The following SORCS2 variants were observed in gnomAD, a reference collection of about 807,000 sequenced individuals.
SORCS2 encodes the protein sortilin related VPS10 domain containing receptor 2, also known as VPS10 domain-containing receptor SorCS2.
Under a neutral mutation model 141.6 loss-of-function variants are expected in SORCS2, and 100 were observed. The observed-to-expected ratio is 0.71, with a 90% CI of 0.60 to 0.83. The LOEUF (loss-of-function observed/expected upper bound fraction) is 0.83. Among genes scored for constraint, SORCS2 ranks in the 40% least tolerant of loss-of-function variants. The pLI is 0.00. For missense variants in SORCS2, 1,646 were observed against 1,560.2 expected, an observed-to-expected ratio of 1.05 and a Z score of -0.93; for synonymous variants, 789 against 676.9, an observed-to-expected ratio of 1.17 and a Z score of -2.57.
intron 2 of SORCS2, among the ~76,000 whole-genome samples, chr4:7,498,791 T>G (rs1327179896): frequency 6.6e-6 from 1 of 152,222 alleles, no homozygotes; most frequent in Non-Finnish European, 1.5e-5. Context: ...AATGCCAGCA[T>G]GAGCAACCCC....
At chr4:7,687,129 C>T (rs1011959841) in intron 10 of SORCS2, among the ~76,000 whole-genome samples, 1 of 152,232 alleles carries the variant, frequency 6.6e-6, no homozygotes, top group African/African-American at 2.4e-5. Flanking sequence ...CGGAGACCAA[C>T]CCATGAGCTC....
At chr4:7,542,793 T>A (rs114548632) in intron 3 of SORCS2, among the ~76,000 whole-genome samples, 2 of 152,200 alleles carry the variant, frequency 1.3e-5, no homozygotes, top group Non-Finnish European at 2.9e-5. Context: ...AGGCCAAGGC[T>A]CACAGGGGCT....
chr4:7,226,843 C>T (rs1027579424), intron 1 of SORCS2, among the ~76,000 whole-genome samples: 1 of 152,186 alleles, frequency 6.6e-6, no homozygotes, highest in African/African-American at 2.4e-5. Flanking sequence ...AGGGCGTGGC[C>T]TGTTTCTGTT....
intron 2 of SORCS2, among the ~76,000 whole-genome samples, chr4:7,528,151 G>C (rs1024068454): frequency 4.0e-5 from 6 of 151,672 alleles, no homozygotes; most frequent in South Asian, 2.1e-4. Flanking sequence ...TGTAGTGATG[G>C]GACACACAGC....
chr4:7,512,101 G>A (rs1016375403), intron 2 of SORCS2, among the ~76,000 whole-genome samples: 1 of 152,142 alleles, frequency 6.6e-6, no homozygotes, highest in African/African-American at 2.4e-5. Flanking sequence ...CTAGTTAACA[G>A]GTCCTGGGAT....
intron 1 of SORCS2, among the ~76,000 whole-genome samples, chr4:7,224,942 C>A (rs1728912813): frequency 6.6e-6 from 1 of 152,236 alleles, no homozygotes; most frequent in African/African-American, 2.4e-5. Context: ...TTGGTGTAAA[C>A]AGACCGGTCT....
Position 7,192,788 on chromosome 4 carries a change from G to A in SORCS2, c.142G>A (p.Ala48Thr). The A allele has an allele frequency of 4.9e-6, 5 of 1,013,972 alleles. No individual in the cohort carries two copies. The highest frequency in any genetic ancestry group is 5.9e-6 in the Non-Finnish European group (5 of 850,622). 62.8% of individuals were successfully genotyped at this position (1,013,972 alleles called of 1,614,324 possible). Residue 48 changes from alanine (A) to threonine (T), a missense_variant, in exon 1 of 27, where the codon GCG (alanine) becomes ACG (threonine). Coordinates refer to ENST00000507866, the MANE Select transcript of SORCS2 (RefSeq NM_020777.3). The surrounding 1 kb of genome is among the most constrained non-coding windows in gnomAD (Gnocchi z 4.0). ...LLLLLLGACG[A>T]AGRSPEPGRL... The stretch of plus-strand genomic sequence containing the variant: ...GCTGCTGCTGCTGGGCGCCTGCGGG[G>A]CGGCGGGGCGCTCCCCTGAGCCCGG...
At chr4:7,418,702 A>ACCCCCCCCCCC (rs67571622) in intron 2 of SORCS2, among the ~76,000 whole-genome samples, 1 of 95,562 alleles carries the variant, frequency 1.0e-5, no homozygotes, top group Non-Finnish European at 2.2e-5. Flanking sequence ...GTAACAAATG[A>ACCCCCCCCCCC]CCCCCCCCCC....
At chr4:7,215,441 G>A (rs1393272446) in intron 1 of SORCS2, among the ~76,000 whole-genome samples, 1 of 152,224 alleles carries the variant, frequency 6.6e-6, no homozygotes, top group African/African-American at 2.4e-5. Context: ...TGCTGCCCGA[G>A]CCTCCCTGAC....
intron 1 of SORCS2, among the ~76,000 whole-genome samples, chr4:7,360,571 C>CTTTTTTT (rs753548897): frequency 0.056 from 2,775 of 49,240 alleles, 717 homozygotes; most frequent in South Asian, 0.098. Flanking sequence ...CCAGTCCCTT[C>CTTTTTTT]TTTTTTTTTT....
At chr4:7,467,515 G>T (rs536481224) in intron 2 of SORCS2, among the ~76,000 whole-genome samples, 1 of 152,234 alleles carries the variant, frequency 6.6e-6, no homozygotes, top group Admixed American at 6.5e-5. Context: ...ACAGAAGTCA[G>T]AGGGCAGCTG....
At chr4:7,704,783 G>A (rs1388179670) in intron 14 of SORCS2, among the ~76,000 whole-genome samples, 1 of 152,198 alleles carries the variant, frequency 6.6e-6, no homozygotes, top group African/African-American at 2.4e-5. Flanking sequence ...GACATGCGGC[G>A]TTCGACTGCA....
At chr4:7,341,894 T>G (rs1339252137) in intron 1 of SORCS2, among the ~76,000 whole-genome samples, 1 of 152,214 alleles carries the variant, frequency 6.6e-6, no homozygotes, top group Non-Finnish European at 1.5e-5. Flanking sequence ...CAAGCTGCTT[T>G]CTGTCTCTAC....
rs1712765814 is a variant in SORCS2, at chr4:7,742,742, C to G, written c.*2478C>G. 1 of 152,434 alleles carries G rather than the reference C, an allele frequency of 6.6e-6. No homozygotes were observed. Among genetic ancestry groups the G allele is most frequent in the Admixed American group, 6.5e-5 (1 of 15,284 alleles). 9.4% of individuals were successfully genotyped at this position (152,434 alleles called of 1,614,324 possible). A position where few individuals can be genotyped will look rare whatever the true frequency, so the allele number is the denominator to read the frequency against. On this transcript the variant is annotated 3_prime_UTR_variant, in exon 27 of 27. Transcript: ENST00000507866. ...AGCTGCCATGCACATAACAAAGAGA[C>G]AATGCATTCCTTCTTATTTTTCCTT...
At chr4:7,495,914 A>G (rs1577657408) in intron 2 of SORCS2, among the ~76,000 whole-genome samples, 1 of 152,174 alleles carries the variant, frequency 6.6e-6, no homozygotes, top group Non-Finnish European at 1.5e-5. Context: ...CACCCAGAGA[A>G]ACAGGGAGGC....
intron 3 of SORCS2, among the ~76,000 whole-genome samples, chr4:7,587,020 A>C (rs1275604256): frequency 6.7e-6 from 1 of 149,068 alleles, no homozygotes; most frequent in Non-Finnish European, 1.5e-5. Context: ...TCAGCTAAAA[A>C]TTAAGAATGA....
In SORCS2 at chr4:7,664,581, C is replaced by A; in HGVS notation, c.1071+110C>A. The A allele has an allele frequency of 2.7e-6, 2 of 747,756 alleles. No individual in the cohort carries two copies. Among genetic ancestry groups the A allele is most frequent in the Non-Finnish European group, 4.4e-6 (2 of 455,066 alleles). The allele number at this position is 747,756 out of a possible 1,614,324, so 46.3% of individuals were successfully genotyped here. A position where few individuals can be genotyped will look rare whatever the true frequency, so the allele number is the denominator to read the frequency against. On this transcript the variant is annotated intron_variant, in intron 7 of 26. Transcript: ENST00000507866. The surrounding 1 kb of genome is among the most constrained non-coding windows in gnomAD (Gnocchi z 4.7). ...AAAAGAGGCAATAAAACGGGTATTT[C>A]ACTCTCAAATGCTACTTCGCAGGTC...
intron 1 of SORCS2, among the ~76,000 whole-genome samples, chr4:7,231,023 C>G (rs55779536): frequency 6.6e-6 from 1 of 150,848 alleles, no homozygotes; most frequent in East Asian, 1.9e-4. Context: ...TATCCATATC[C>G]ATATCTGTAT....
intron 3 of SORCS2, among the ~76,000 whole-genome samples, chr4:7,635,358 C>G (rs936128380): frequency 6.6e-6 from 1 of 152,184 alleles, no homozygotes; most frequent in Non-Finnish European, 1.5e-5. Flanking sequence ...GCTAGGCTAT[C>G]TCTGCAACTT....
Sources: allele counts gnomAD v4.1 joint callset (sites outside exome capture counted in the v4.1 genomes callset), GRCh38; gene constraint gnomAD v4.1.1; non-coding constraint Gnocchi (gnomAD v3.1); transcripts MANE v1.5; gene names NCBI Gene and HGNC (gene_info 2026-07-23, HGNC 2026-07-21).